The following SPTA1 variants were observed in gnomAD, a reference collection of about 807,000 sequenced individuals.
The protein encoded by SPTA1 is spectrin alpha chain, erythrocytic 1.
In SPTA1, 177 loss-of-function variants were observed where a neutral mutation model predicts 324.7. That is an observed-to-expected ratio of 0.55 (90% CI 0.48 to 0.62). The LOEUF (loss-of-function observed/expected upper bound fraction) is 0.62. Ranked by LOEUF, SPTA1 falls within the 20% of genes least tolerant of loss-of-function variation. The pLI is 0.00. For missense variants in SPTA1, 3,162 were observed against 2,883.6 expected (o/e 1.10, Z -2.21); for synonymous variants, 1,195 against 1,041.3 (o/e 1.15, Z -2.84).
rs749566000 is a variant in SPTA1, at chr1:158,613,903, C to T, written c.6843-36G>A. The T allele has an allele frequency of 8.1e-6, 13 of 1,602,772 alleles. No individual in the cohort carries two copies. The East Asian group carries it at 2.9e-4, about 36-fold the overall frequency. ...AAAAAAGAAAAAAAAATTTATCAAG[C>T]TCAATAGAAAAACCAAGTGAGAACA... On this transcript the variant is annotated intron_variant, in intron 49 of 51. Coordinates refer to ENST00000643759, the MANE Select transcript of SPTA1 (RefSeq NM_003126.4).
rs778804484 is a variant in SPTA1 at position 158,677,617 on chromosome 1, G to A, written c.957+73C>T. 224 of 1,577,334 alleles carry A rather than the reference G, an allele frequency of 1.4e-4. 2 individuals are homozygous for A. The highest frequency in any genetic ancestry group is 1.0e-3 in the South Asian group (89 of 87,692). On this transcript the variant is annotated intron_variant, in intron 7 of 51. Coordinates refer to ENST00000643759, the MANE Select transcript of SPTA1 (RefSeq NM_003126.4). ...AACTTATTGTGCTCTCTGGAGGCAC[G>A]GTAATAGGCAAGATAATCAACAATT...
At chr1:158,632,152 A>G (rs1480514001) in intron 39 of SPTA1, among the ~76,000 whole-genome samples, 3 of 152,192 alleles carry the variant, frequency 2.0e-5, no homozygotes, top group Non-Finnish European at 4.4e-5. Flanking sequence ...AACAACATAG[A>G]TGAACCTTGA....
At chr1:158,685,086 G>T in intron 2 of SPTA1, 22 bp downstream of exon 2, 1 of 1,613,394 alleles carries the variant, frequency 6.2e-7, no homozygotes, top group Non-Finnish European at 8.5e-7. Context: ...CTGCTCTGAG[G>T]CAATCAAGAG....
chr1:158,654,723 C>A lies in SPTA1; in HGVS notation c.2924G>T (p.Gly975Val). ...CQQQQAAPVE[G>V]VAGEQRVMAL... ...CATGACCCTTTGTTCTCCAGCAACT[C>A]CCTCCACTGGTGCAGCCTGTTGTTG... The change falls in exon 21 of 52, where the codon GGA (glycine) becomes GTA (valine). Residue 975 changes from glycine (G) to valine (V), a missense_variant. By Grantham distance (109) the Gly-to-Val change is moderately radical. Transcript: ENST00000643759. 1 of 1,613,814 alleles carries A rather than the reference C, an allele frequency of 6.2e-7. No homozygotes were observed. The highest frequency in any genetic ancestry group is 8.5e-7 in the Non-Finnish European group (1 of 1,179,972).
At chr1:158,612,221 G>A (rs1399585506) in intron 51 of SPTA1, 1 of 157,366 alleles carries the variant, frequency 6.4e-6, no homozygotes, top group Non-Finnish European at 1.4e-5. Context: ...GAAACACTTA[G>A]GCTTTCCTTT....
chr1:158,679,171 C>A (rs776153663), intron 5 of SPTA1, among the ~76,000 whole-genome samples: 7 of 152,066 alleles, frequency 4.6e-5, no homozygotes, highest in Non-Finnish European at 1.0e-4. Context: ...GTCCCTGTTT[C>A]TCTCCATTTT....
intron 39 of SPTA1, among the ~76,000 whole-genome samples, chr1:158,629,205 C>A (rs1650512816): frequency 6.6e-6 from 1 of 151,462 alleles, no homozygotes. Context: ...ATCTATCTAT[C>A]TATCTATCTA....
At chr1:158,640,625 C>A (rs567864914) in intron 33 of SPTA1, among the ~76,000 whole-genome samples, 1 of 152,002 alleles carries the variant, frequency 6.6e-6, no homozygotes, top group Non-Finnish European at 1.5e-5. Context: ...ATGTGAAGGA[C>A]CTCTTCAAGG....
Position 158,676,339 on chromosome 1 carries a change from G to A in SPTA1, c.958-44C>T, listed in dbSNP as rs373531313. The A allele has an allele frequency of 9.2e-4, 1,483 of 1,609,082 alleles. 2 individuals are homozygous for A. The highest frequency in any genetic ancestry group is 1.1e-3 in the Non-Finnish European group (1,321 of 1,177,740). On this transcript the variant is annotated intron_variant, in intron 7 of 51. Coordinates refer to ENST00000643759, the MANE Select transcript of SPTA1 (RefSeq NM_003126.4). ...ACCTAGTAGGAAATCCAAGTACTCT[G>A]ACTCCCCCTGGCAAAGCTTTGTGGG...
chr1:158,642,574 TC>T (rs1557947996), intron 32 of SPTA1, 32 bp from the exon 33 acceptor site: 10 of 1,612,334 alleles, frequency 6.2e-6, no homozygotes, highest in Middle Eastern at 1.7e-4. Flanking sequence ...AATTATATTA[TC>T]TTTTTATTTA....
chr1:158,649,195 T>C (rs1221215100), intron 25 of SPTA1, among the ~76,000 whole-genome samples: 3 of 152,240 alleles, frequency 2.0e-5, no homozygotes, highest in African/African-American at 7.2e-5. Context: ...TGATAGTCAA[T>C]GTGATGTCTG....
At chr1:158,650,694 T>C (rs1652359587) in intron 24 of SPTA1, among the ~76,000 whole-genome samples, 1 of 152,228 alleles carries the variant, frequency 6.6e-6, no homozygotes, top group African/African-American at 2.4e-5. Context: ...CTTCTGTGTG[T>C]GACAGTGAAA....
At chr1:158,664,208 A>G (rs772566932) in intron 16 of SPTA1, among the ~76,000 whole-genome samples, 9 of 152,212 alleles carry the variant, frequency 5.9e-5, no homozygotes, top group African/African-American at 1.7e-4. Flanking sequence ...AAATCATTCT[A>G]CTATAAAGAC....
chr1:158,634,263 A>T (rs1650896804), intron 39 of SPTA1, among the ~76,000 whole-genome samples: 1 of 152,244 alleles, frequency 6.6e-6, no homozygotes, highest in South Asian at 2.1e-4. Flanking sequence ...TTGTAAGGAA[A>T]GGTCTTTAAC....
rs1295411192 is a variant in SPTA1 at position 158,649,887 on chromosome 1, C to T, written c.3538G>A (p.Gly1180Ser). 1 of 1,613,824 alleles carries T rather than the reference C, an allele frequency of 6.2e-7. No individual in the cohort carries two copies. The highest frequency in any genetic ancestry group is 8.5e-7 in the Non-Finnish European group (1 of 1,179,886). Reference protein sequence around the residue: ...RLADEQRQLLGSAHAVEVFHR... With the variant: ...RLADEQRQLLSSAHAVEVFHR... The stretch of plus-strand genomic sequence containing the variant: ...AACACTTCAACAGCATGGGCACTGC[C>T]CAGCAGCTGCCGCTGTTCATCTGCA... Residue 1180 changes from glycine to serine, a missense_variant, in exon 25 of 52, where the codon GGC (glycine) becomes AGC (serine). Coordinates refer to ENST00000643759, the MANE Select transcript of SPTA1 (RefSeq NM_003126.4).
Position 158,645,603 on chromosome 1 carries a change from A to G in SPTA1, c.3897-9T>C, listed in dbSNP as rs2101839137. Reference sequence around the variant, plus strand: ...TCCAGTTCTGCAGATCCCTAGATAAACAGACACATTGGAATTGACAAGAAA... The same window carrying G: ...TCCAGTTCTGCAGATCCCTAGATAAGCAGACACATTGGAATTGACAAGAAA... On this transcript the variant is annotated splice_polypyrimidine_tract_variant and intron_variant, in intron 27 of 51. Transcript: ENST00000643759. 6.2e-7 allele frequency: 1 copy of G among 1,613,850 alleles called. No individual in the cohort carries two copies. The highest frequency in any genetic ancestry group is 2.2e-5 in the East Asian group (1 of 44,864).
chr1:158,645,341 G>C lies in SPTA1; in HGVS notation c.4041C>G (p.Ala1347=). 1.2e-6 allele frequency: 2 copies of C among 1,613,964 alleles called. No individual in the cohort carries two copies. The highest frequency in any genetic ancestry group is 8.5e-7 in the Non-Finnish European group (1 of 1,179,956). ...TAAGTTCTGCACTGAAGTCCTCTAA[G>C]GCCTGGAAGGTGGGAGCCTCTGCCT... The part of the protein sequence containing the change: ...DMEAEAPTFQ[A]LEDFSAELID... Residue 1347 remains alanine (A), a synonymous_variant, in exon 29 of 52, where the codon GCC becomes GCG. Coordinates refer to ENST00000643759, the MANE Select transcript of SPTA1 (RefSeq NM_003126.4).
intron 4 of SPTA1, among the ~76,000 whole-genome samples, 197 bp from the exon 5 acceptor site, chr1:158,680,926 C>T (rs1311170658): frequency 6.6e-6 from 1 of 152,138 alleles, no homozygotes; most frequent in Non-Finnish European, 1.5e-5. Context: ...GGAAAGTGCT[C>T]TTTCGGGCAG....
Position 158,655,009 on chromosome 1 carries a change from C to T in SPTA1, c.2899-261G>A, listed in dbSNP as rs562472323. Among the ~76,000 whole-genome samples, 27 of 152,264 alleles carry T rather than the reference C, an allele frequency of 1.8e-4. No homozygotes were observed. The South Asian group carries it at 5.6e-3, about 32-fold the overall frequency. On this transcript the variant is annotated intron_variant, in intron 20 of 51. Transcript: ENST00000643759. ...ATTTGTCAGAAACGTATTAAATGCT[C>T]TAAGCCATCAGTTCTTAAAATGGGA...
Sources: allele counts gnomAD v4.1 joint callset (sites outside exome capture counted in the v4.1 genomes callset), GRCh38; gene constraint gnomAD v4.1.1; transcripts MANE v1.5; gene names NCBI Gene and HGNC (gene_info 2026-07-23, HGNC 2026-07-21).